Variants in PRSS23 observed in about 807,000 individuals in gnomAD.
The protein encoded by PRSS23 is protease, serine 23.
In PRSS23, 25 loss-of-function variants were observed where a neutral mutation model predicts 34.7. That is an observed-to-expected ratio of 0.72 (90% CI 0.53 to 1.01). The LOEUF is 1.01. PRSS23 is among the 50% of genes least tolerant of loss of function. PRSS23 has a pLI of 0.00. For missense variants in PRSS23, 445 were observed against 475.6 expected (o/e 0.94, Z 0.60); for synonymous variants, 176 against 186.6 (o/e 0.94, Z 0.46).
chr11:86,925,614 A>G (rs921042620), intron 2 of PRSS23, among the ~76,000 whole-genome samples: 4 of 152,186 alleles, frequency 2.6e-5, no homozygotes, highest in African/African-American at 9.6e-5. Context: ...CAATAATAAC[A>G]ACTGTCATTT....
At chr11:86,834,310 T>C (rs1030911333) in intron 2 of PRSS23, among the ~76,000 whole-genome samples, 1 of 152,190 alleles carries the variant, frequency 6.6e-6, no homozygotes, top group African/African-American at 2.4e-5. Flanking sequence ...TTTTTCCTTC[T>C]TCGGTGGCTA....
chr11:86,822,124 A>G (rs900220437), intron 1 of PRSS23, among the ~76,000 whole-genome samples: 22 of 152,194 alleles, frequency 1.4e-4, no homozygotes, highest in African/African-American at 5.1e-4. Context: ...TCATTTATTT[A>G]TTCGTTCATT....
At chr11:86,817,983 G>T (rs560980169) in intron 1 of PRSS23, among the ~76,000 whole-genome samples, 3 of 152,160 alleles carry the variant, frequency 2.0e-5, no homozygotes, top group African/African-American at 7.2e-5. Context: ...TAAGACTACC[G>T]TGAGTGGAGC....
chr11:86,795,239 A>T (rs1398551585), intron 1 of PRSS23, among the ~76,000 whole-genome samples: 2 of 152,116 alleles, frequency 1.3e-5, no homozygotes, highest in Non-Finnish European at 2.9e-5. Context: ...GATAATAATA[A>T]TTATAATAAT....
intron 2 of PRSS23, among the ~76,000 whole-genome samples, chr11:86,879,801 G>A (rs866105949): frequency 0.22 from 15,638 of 72,508 alleles, 1,674 homozygotes; most frequent in East Asian, 0.37. Context: ...CCGGCCAGCC[G>A]CCCCGTCCGG....
chr11:86,887,112 C>T (rs1325671880), intron 2 of PRSS23, among the ~76,000 whole-genome samples: 3 of 152,162 alleles, frequency 2.0e-5, no homozygotes, highest in African/African-American at 7.2e-5. Flanking sequence ...CACCCAAGAT[C>T]ACTATATAGC....
At chr11:86,849,208 T>C (rs1368985469) in intron 2 of PRSS23, among the ~76,000 whole-genome samples, 2 of 152,170 alleles carry the variant, frequency 1.3e-5, no homozygotes, top group Non-Finnish European at 2.9e-5. Context: ...TGGAAGACTG[T>C]CCTCAAAGTC....
upstream of PRSS23, among the ~76,000 whole-genome samples, chr11:86,796,464 AC>A (rs1164455657): frequency 6.6e-6 from 1 of 151,354 alleles, no homozygotes; most frequent in Non-Finnish European, 1.5e-5. Context: ...ACACGGTGAA[AC>A]CCCGTCTCTA....
chr11:86,950,043 G>A (rs1949276760), intron 2 of PRSS23: 1 of 152,294 alleles, frequency 6.6e-6, no homozygotes, highest in Non-Finnish European at 1.5e-5. Context: ...GCAAGTTGAA[G>A]TTGACCATAG....
rs372867879 is a variant in PRSS23, at chr11:86,824,370, T to TA, written c.206+780dup. Among the ~76,000 whole-genome samples the TA allele has an allele frequency of 6.2e-3, 582 of 94,622 alleles. 3 individuals carry two copies. The highest frequency in any genetic ancestry group is 8.0e-3 in the Non-Finnish European group (372 of 46,580). 62.1% of individuals were successfully genotyped at this position (94,622 alleles called of 152,430 possible). On this transcript the variant is annotated intron_variant, in intron 2 of 2. Transcript: ENST00000533902. The stretch of plus-strand genomic sequence containing the variant: ...TAAAATAAAATAAAATAAAATAAAA[T>TA]AAATAAAATAAAAAAACAAAATGGA...
At chr11:86,812,276 C>CTGGAGAAACACAA (rs1191150241), downstream of PRSS23, among the ~76,000 whole-genome samples, 1 of 152,210 alleles carries the variant, frequency 6.6e-6, no homozygotes, top group Non-Finnish European at 1.5e-5. Context: ...TTTCTCCTCT[C>CTGGAGAAACACAA]TGGGCTTCCA....
At chr11:86,891,651 A>G (rs904780365) in intron 2 of PRSS23, among the ~76,000 whole-genome samples, 7 of 152,148 alleles carry the variant, frequency 4.6e-5, no homozygotes, top group Non-Finnish European at 1.0e-4. Flanking sequence ...ATTTCGCACT[A>G]CGTCTGCTAT....
chr11:86,886,862 C>T (rs1948805837), intron 2 of PRSS23, among the ~76,000 whole-genome samples: 2 of 152,072 alleles, frequency 1.3e-5, no homozygotes, highest in South Asian at 4.1e-4. Context: ...TTGCTTGAAC[C>T]CGGGAGGCAG....
rs536587459 is a variant in PRSS23 at position 86,890,363 on chromosome 11, T to C, written c.207-60853T>C. ...TCATACCTCAGCATAAAGCATAGAA[T>C]TTCTAGCCATCTTTATGCCAGAACA... On this transcript the variant is annotated intron_variant, in intron 2 of 2. Transcript: ENST00000533902. Among the ~76,000 whole-genome samples the C allele has an allele frequency of 2.6e-5, 4 of 152,332 alleles. No homozygotes were observed. The South Asian group carries it at 8.3e-4, about 32-fold the overall frequency.
chr11:86,836,298 T>G (rs568951777), intron 2 of PRSS23, among the ~76,000 whole-genome samples: 2 of 152,244 alleles, frequency 1.3e-5, no homozygotes, highest in South Asian at 4.2e-4. Flanking sequence ...TAACAATCTT[T>G]TGGAGTCCTT....
At chr11:86,877,173 A>G (rs1948730476) in intron 2 of PRSS23, among the ~76,000 whole-genome samples, 2 of 152,202 alleles carry the variant, frequency 1.3e-5, no homozygotes, top group South Asian at 2.1e-4. Context: ...GTACCCTATT[A>G]TCTGTGTTCA....
intron 2 of PRSS23, among the ~76,000 whole-genome samples, chr11:86,842,255 A>G (rs924469513): frequency 6.6e-6 from 1 of 152,224 alleles, no homozygotes; most frequent in African/African-American, 2.4e-5. Context: ...AAAACTCTAT[A>G]TAAACTAGGT....
chr11:86,852,924 G>T (rs550266559), intron 2 of PRSS23, among the ~76,000 whole-genome samples: 5 of 152,252 alleles, frequency 3.3e-5, no homozygotes, highest in South Asian at 2.1e-4. Context: ...CATGATCTCG[G>T]CTCACTGCAA....
At chr11:86,792,535 A>G (rs1380944895) in intron 1 of PRSS23, among the ~76,000 whole-genome samples, 1 of 152,154 alleles carries the variant, frequency 6.6e-6, no homozygotes, top group Non-Finnish European at 1.5e-5. Flanking sequence ...CCTGAATAAC[A>G]CACCCAGCCA....
Sources: gnomAD v4.1 joint callset for allele counts (sites outside exome capture counted in the v4.1 genomes callset) on GRCh38, gnomAD v4.1.1 for gene constraint, MANE v1.5 for transcripts, NCBI Gene and HGNC (gene_info 2026-07-23, HGNC 2026-07-21) for gene names.